The following COBL variants were observed in gnomAD, a reference collection of about 807,000 sequenced individuals.
COBL encodes the protein protein cordon-bleu.
In COBL, 51 loss-of-function variants were observed where a neutral mutation model predicts 98.8. The observed-to-expected ratio is 0.52, with a 90% CI of 0.41 to 0.65. The LOEUF (loss-of-function observed/expected upper bound fraction) is 0.65. COBL is among the 30% of genes least tolerant of loss of function. COBL has a pLI of 0.00. For missense variants in COBL, 1,617 were observed against 1,617.5 expected (o/e 1.00, Z 0.01); for synonymous variants, 634 against 651.7 (o/e 0.97, Z 0.41).
At chr7:51,281,589 G>A (rs1447456044) in intron 1 of COBL, among the ~76,000 whole-genome samples, 3 of 151,528 alleles carry the variant, frequency 2.0e-5, no homozygotes, top group Non-Finnish European at 4.4e-5. Context: ...TAATCTGAAT[G>A]ACTACAGAAA....
rs529298405 is a variant in COBL at position 51,106,589 on chromosome 7, A to T, written c.958-21285T>A. On this transcript the variant is annotated intron_variant, in intron 6 of 12. Coordinates refer to ENST00000265136, the MANE Select transcript of COBL (RefSeq NM_015198.5). Reference sequence around the variant, plus strand: ...GTCATTTGCTGTTAGATAAATATAAAATCACTATATTTTCTGCCATCGATT... The same window carrying T: ...GTCATTTGCTGTTAGATAAATATAATATCACTATATTTTCTGCCATCGATT... 6.6e-5 allele frequency among the ~76,000 whole-genome samples: 10 copies of T among 152,154 alleles called. No individual in the cohort carries two copies. In the South Asian group the frequency reaches 1.9e-3, roughly 28 times the overall value.
At chr7:51,295,958 A>C (rs1413505954) in intron 1 of COBL, among the ~76,000 whole-genome samples, 2 of 152,214 alleles carry the variant, frequency 1.3e-5, no homozygotes, top group African/African-American at 4.8e-5. Context: ...TTAGGTCTGG[A>C]AGGAGTGTTA....
In COBL at chr7:51,017,412, C is replaced by T. The variant is rs140947212; in HGVS notation, c.*139G>A. On this transcript the variant is annotated 3_prime_UTR_variant, in exon 13 of 13. Coordinates refer to ENST00000265136, the MANE Select transcript of COBL (RefSeq NM_015198.5). ...TTCAAGCCGTTATACAGGAACACAC[C>T]GAAAATCAACTGTGCGCATTTGGCC... is the stretch of plus-strand genomic sequence containing the variant. The T allele has an allele frequency of 1.3e-5, 10 of 779,768 alleles. No homozygotes were observed. Among genetic ancestry groups the T allele is most frequent in the Middle Eastern group, 2.3e-4 (1 of 4,434 alleles). 48.3% of individuals were successfully genotyped at this position (779,768 alleles called of 1,614,324 possible). A position where few individuals can be genotyped will look rare whatever the true frequency, so the allele number is the denominator to read the frequency against.
chr7:51,268,125 C>A (rs912262721), intron 1 of COBL, among the ~76,000 whole-genome samples: 1 of 152,118 alleles, frequency 6.6e-6, no homozygotes, highest in Non-Finnish European at 1.5e-5. Context: ...CTCAGTTCCA[C>A]GTGCCGTCTG....
Position 51,085,178 on chromosome 7 carries a change from T to G in COBL, c.1084A>C (p.Lys362Gln), listed in dbSNP as rs774838754. ...GAGCCTCACTCACCCATCGTGCTCT[T>G]CCTGTTCTCCTCCTTATCCTCAGTG... Reference protein sequence around the residue: ...NRTEDKEENRKSTMVSLPLGS... With the variant: ...NRTEDKEENRQSTMVSLPLGS... The change falls in exon 7 of 13, where the codon AAG becomes CAG. Residue 362 changes from lysine (K) to glutamine (Q), a missense_variant. Coordinates refer to ENST00000265136, the MANE Select transcript of COBL (RefSeq NM_015198.5). The G allele has an allele frequency of 1.1e-5, 18 of 1,613,714 alleles. No individual in the cohort carries two copies. Among genetic ancestry groups the G allele is most frequent in the Non-Finnish European group, 1.4e-5 (16 of 1,179,992 alleles).
Position 51,043,232 on chromosome 7 carries a change from T to C in COBL, c.1406+151A>G, listed in dbSNP as rs1272984960. ...CAGATGTATAGACAGCACAGAGACA[T>C]GCCTGAGAGCAGCTGCTGTGAATCA... On this transcript the variant is annotated intron_variant, in intron 8 of 12. Coordinates refer to ENST00000265136, the MANE Select transcript of COBL (RefSeq NM_015198.5). 3.1e-5 allele frequency: 20 copies of C among 648,974 alleles called. No individual in the cohort carries two copies. The East Asian group carries it at 4.8e-4, about 16-fold the overall frequency. The allele number at this position is 648,974 out of a possible 1,614,324, so 40.2% of individuals were successfully genotyped here.
In COBL at chr7:51,261,084, C is replaced by T. The variant is rs571592814; in HGVS notation, c.42-41140G>A. Among the ~76,000 whole-genome samples, 15 of 152,310 alleles carry T rather than the reference C, an allele frequency of 9.8e-5. 1 individual carries two copies. The highest frequency in any genetic ancestry group is 8.3e-4 in the South Asian group (4 of 4,822). On this transcript the variant is annotated intron_variant, in intron 1 of 12. Coordinates refer to ENST00000265136, the MANE Select transcript of COBL (RefSeq NM_015198.5). ...TGCCTGCCTTCCTGCTGCTCACACA[C>T]GCCAAGCTCAGCCCCACCGCAGGAG...
In COBL at chr7:51,016,600, G is replaced by A. The variant is rs922665627; in HGVS notation, c.*951C>T. On this transcript the variant is annotated 3_prime_UTR_variant, in exon 13 of 13. Transcript: ENST00000265136. ...AGCCAATGAGCTGTTGGACAAACGC[G>A]TCAAGGCTGAACCAAAATTGTGATG... 17 of 221,160 alleles carry A rather than the reference G, an allele frequency of 7.7e-5. No individual in the cohort carries two copies. The highest frequency in any genetic ancestry group is 1.8e-4 in the East Asian group (2 of 10,914). The allele number at this position is 221,160 out of a possible 1,614,324, so 13.7% of individuals were successfully genotyped here.
chr7:51,139,039 C>A (rs76026752), intron 5 of COBL, among the ~76,000 whole-genome samples: 1 of 152,298 alleles, frequency 6.6e-6, no homozygotes, highest in African/African-American at 2.4e-5. Flanking sequence ...AAGAACTTTA[C>A]AGCCCCCTTC....
intron 1 of COBL, among the ~76,000 whole-genome samples, chr7:51,228,096 T>C (rs1214581758): frequency 3.3e-5 from 5 of 152,138 alleles, no homozygotes; most frequent in Non-Finnish European, 7.3e-5. Flanking sequence ...ACTCCACAGC[T>C]GTACACCATC....
intron 1 of COBL, among the ~76,000 whole-genome samples, chr7:51,294,764 G>A (rs1346155060): frequency 6.6e-6 from 1 of 151,858 alleles, no homozygotes; most frequent in Non-Finnish European, 1.5e-5. Flanking sequence ...AGCAATATAA[G>A]CATGTTTTTA....
intron 1 of COBL, among the ~76,000 whole-genome samples, chr7:51,278,850 T>C (rs771054439): frequency 1.3e-5 from 2 of 152,228 alleles, no homozygotes; most frequent in African/African-American, 2.4e-5. Context: ...GCATCTGCTT[T>C]TCCAGACGAT....
intron 7 of COBL, among the ~76,000 whole-genome samples, chr7:51,045,293 G>A (rs552714463): frequency 4.6e-5 from 7 of 152,344 alleles, no homozygotes; most frequent in Middle Eastern, 3.4e-3. Context: ...TAATGCTGCT[G>A]CCCACAGGGT....
intron 7 of COBL, among the ~76,000 whole-genome samples, chr7:51,061,455 C>T (rs1371665890): frequency 6.6e-6 from 1 of 152,064 alleles, no homozygotes; most frequent in African/African-American, 2.4e-5. Flanking sequence ...CGGTTGTATA[C>T]AGGACAGCAG....
intron 5 of COBL, among the ~76,000 whole-genome samples, chr7:51,171,451 C>T (rs1787869336): frequency 6.6e-6 from 1 of 152,052 alleles, no homozygotes; most frequent in South Asian, 2.1e-4. Context: ...TAAAGTGTTT[C>T]CTGGGGGCTT....
rs1047287747 is a variant in COBL, at chr7:51,311,465, G to A, written c.41+5128C>T. On this transcript the variant is annotated intron_variant, in intron 1 of 12. Coordinates refer to ENST00000265136, the MANE Select transcript of COBL (RefSeq NM_015198.5). ...AGCAAACTCTAGTCTAGAATAAATA[G>A]CACTAGGTCTTGAAAGTATTGACCA... Among the ~76,000 whole-genome samples the A allele has an allele frequency of 4.6e-5, 7 of 152,192 alleles. No homozygotes were observed. In the East Asian group the frequency reaches 1.2e-3, roughly 25 times the overall value.
chr7:51,168,072 C>A (rs1322839466), intron 5 of COBL, among the ~76,000 whole-genome samples: 1 of 152,046 alleles, frequency 6.6e-6, no homozygotes, highest in African/African-American at 2.4e-5. Flanking sequence ...GGGATCACAT[C>A]AAGTTTAAAA....
intron 7 of COBL, among the ~76,000 whole-genome samples, chr7:51,045,329 T>C (rs1354395628): frequency 1.3e-5 from 2 of 152,240 alleles, no homozygotes; most frequent in African/African-American, 2.4e-5. Context: ...GGTGCCTGAA[T>C]GTGAACGGCC....
At chr7:51,141,668 C>T (rs371401115) in intron 5 of COBL, among the ~76,000 whole-genome samples, 2 of 149,506 alleles carry the variant, frequency 1.3e-5, no homozygotes, top group African/African-American at 2.5e-5. Flanking sequence ...GTTAAAGAAT[C>T]GAGTGGGAGG....
Sources: gnomAD v4.1 joint callset for allele counts (sites outside exome capture counted in the v4.1 genomes callset) on GRCh38, gnomAD v4.1.1 for gene constraint, MANE v1.5 for transcripts, NCBI Gene and HGNC (gene_info 2026-07-23, HGNC 2026-07-21) for gene names.